The following WWC2 variants were observed in gnomAD, a reference collection of about 807,000 sequenced individuals.
The protein encoded by WWC2 is protein WWC2.
WWC2 carries 101 observed loss-of-function variants against 138.5 expected under a neutral mutation model. That is an observed-to-expected ratio of 0.73 (90% CI 0.62 to 0.86). WWC2 has a LOEUF of 0.86. WWC2 is among the 40% of genes least tolerant of loss of function. WWC2 has a pLI of 0.00. For missense variants in WWC2, 1,420 were observed against 1,419.4 expected (o/e 1.00, Z -0.01); for synonymous variants, 558 against 538.4 (o/e 1.04, Z -0.50).
At chr4:183,263,723 G>C (rs946271363) in intron 11 of WWC2, among the ~76,000 whole-genome samples, 1 of 152,178 alleles carries the variant, frequency 6.6e-6, no homozygotes, top group Non-Finnish European at 1.5e-5. Context: ...TTGCACCACT[G>C]CACTCCAGCC....
chr4:183,232,191 A>G (rs1226595301), intron 4 of WWC2, among the ~76,000 whole-genome samples: 1 of 152,182 alleles, frequency 6.6e-6, no homozygotes, highest in Non-Finnish European at 1.5e-5. Flanking sequence ...TTTTGTCTTT[A>G]TTAGTAGATG....
intron 1 of WWC2, among the ~76,000 whole-genome samples, chr4:183,138,438 C>G (rs1029238272): frequency 6.6e-6 from 1 of 152,162 alleles, no homozygotes; most frequent in East Asian, 1.9e-4. Flanking sequence ...GGTCTGCAGA[C>G]CAAGTCTGGC....
intron 4 of WWC2, among the ~76,000 whole-genome samples, chr4:183,232,639 A>G (rs1560856498): frequency 1.3e-5 from 2 of 150,916 alleles, no homozygotes. Context: ...ATTCCATTAT[A>G]TGAATAAAGT....
At chr4:183,180,976 C>T (rs1734616770) in intron 1 of WWC2, among the ~76,000 whole-genome samples, 1 of 152,146 alleles carries the variant, frequency 6.6e-6, no homozygotes, top group African/African-American at 2.4e-5. Flanking sequence ...AAAATATACA[C>T]ACCATTATAA....
At chr4:183,172,712 G>A (rs530272594) in intron 1 of WWC2, among the ~76,000 whole-genome samples, 48 of 151,820 alleles carry the variant, frequency 3.2e-4, no homozygotes, top group Admixed American at 2.7e-3. Context: ...GTGCTAGGTG[G>A]GTCATATATA....
chr4:183,133,970 T>C (rs1003918868), intron 1 of WWC2, among the ~76,000 whole-genome samples: 17 of 152,266 alleles, frequency 1.1e-4, no homozygotes, highest in Admixed American at 9.8e-4. Context: ...ACTGATAGTT[T>C]CTTTATTGCT....
intron 1 of WWC2, among the ~76,000 whole-genome samples, chr4:183,145,409 A>G (rs765174211): frequency 4.6e-5 from 7 of 152,232 alleles, no homozygotes; most frequent in Non-Finnish European, 7.3e-5. Flanking sequence ...ATAGTTATCC[A>G]TATTATCAAT....
chr4:183,289,308 C>A, intron 20 of WWC2, 85 bp from the exon 21 acceptor site: 1 of 1,515,912 alleles, frequency 6.6e-7, no homozygotes. Flanking sequence ...GAAGCACCAT[C>A]CATCATGCGC....
intron 1 of WWC2, among the ~76,000 whole-genome samples, chr4:183,188,639 C>T: frequency 7.8e-6 from 1 of 128,930 alleles, no homozygotes; most frequent in African/African-American, 2.9e-5. Flanking sequence ...TCTCTTGCTC[C>T]TTTCTTTTTT....
At chr4:183,181,798 T>G (rs1416036863) in intron 1 of WWC2, among the ~76,000 whole-genome samples, 1 of 152,120 alleles carries the variant, frequency 6.6e-6, no homozygotes, top group Non-Finnish European at 1.5e-5. Flanking sequence ...TGTACATAAG[T>G]TTATACATGG....
chr4:183,242,405 G>A (rs1736650758), intron 5 of WWC2, among the ~76,000 whole-genome samples: 2 of 152,194 alleles, frequency 1.3e-5, no homozygotes, highest in Admixed American at 6.5e-5. Flanking sequence ...TTAAACTTGA[G>A]CTTTCATTTT....
chr4:183,113,480 C>CTGTG (rs113602820), intron 1 of WWC2, among the ~76,000 whole-genome samples: 2,753 of 143,754 alleles, frequency 0.019, 43 homozygotes, highest in African/African-American at 0.038. Context: ...AAGGTGGGGC[C>CTGTG]TGTGTGTGTG....
At chr4:183,268,883 C>G (rs1196532388) in intron 14 of WWC2, 88 bp from the exon 15 acceptor site, 1 of 1,333,626 alleles carries the variant, frequency 7.5e-7, no homozygotes, top group Non-Finnish European at 1.0e-6. Context: ...CCCTCATTTT[C>G]TCTCTTTGCA....
intron 2 of WWC2, among the ~76,000 whole-genome samples, chr4:183,198,195 C>T (rs2111220649): frequency 6.6e-6 from 1 of 151,870 alleles, no homozygotes; most frequent in African/African-American, 2.4e-5. Context: ...AGAGTGAGAC[C>T]CTGTCTCAAG....
rs1323239700 is a variant in WWC2 at position 183,265,683 on chromosome 4, T to C, written c.2040-5T>C. 3.1e-6 allele frequency: 5 copies of C among 1,607,944 alleles called. No homozygotes were observed. Among genetic ancestry groups the C allele is most frequent in the Non-Finnish European group, 4.2e-6 (5 of 1,177,098 alleles). ...TAACTGTTCATCTACTCCCTGTCCA[T>C]ATAGACCTAGTGAAATGGAAGATGT... On this transcript the variant is annotated splice_polypyrimidine_tract_variant and splice_region_variant and intron_variant, in intron 12 of 22. Transcript: ENST00000403733.
Position 183,280,827 on chromosome 4 carries a change from G to C in WWC2, c.2614G>C (p.Glu872Gln). ...AACATCAGCTGAGTTGTTAGCTGTGGAACAAGAATTAGCACAAGAAGAAGA... is the reference window on the plus strand; with the variant it reads ...AACATCAGCTGAGTTGTTAGCTGTGCAACAAGAATTAGCACAAGAAGAAGA... ...ARTSAELLAV[E>Q]QELAQEEEEE... The change falls in exon 17 of 23, where the codon GAA becomes CAA. Residue 872 changes from glutamate to glutamine, a missense_variant. Transcript: ENST00000403733. The C allele has an allele frequency of 6.2e-7, 1 of 1,601,138 alleles. No homozygotes were observed. The highest frequency in any genetic ancestry group is 1.1e-5 in the South Asian group (1 of 88,408).
At chr4:183,245,612 G>T in intron 6 of WWC2, 67 bp downstream of exon 6, 1 of 1,456,934 alleles carries the variant, frequency 6.9e-7, no homozygotes, top group Non-Finnish European at 9.1e-7. Flanking sequence ...CTCTTACTGG[G>T]GCAGAAGTGC....
At chr4:183,265,279 C>T (rs965105327) in intron 12 of WWC2, among the ~76,000 whole-genome samples, 172 bp downstream of exon 12, 1 of 152,146 alleles carries the variant, frequency 6.6e-6, no homozygotes, top group Non-Finnish European at 1.5e-5. Context: ...AATGACTTAG[C>T]CATGGAAATT....
At chr4:183,139,034 G>T (rs2111090494) in intron 1 of WWC2, among the ~76,000 whole-genome samples, 1 of 152,330 alleles carries the variant, frequency 6.6e-6, no homozygotes, top group East Asian at 1.9e-4. Context: ...AAGAGTGGCA[G>T]TCGATTGTAG....
Sources: allele counts gnomAD v4.1 joint callset (sites outside exome capture counted in the v4.1 genomes callset), GRCh38; gene constraint gnomAD v4.1.1; transcripts MANE v1.5; gene names NCBI Gene and HGNC (gene_info 2026-07-23, HGNC 2026-07-21).